Variants in STK32B observed in about 807,000 individuals in gnomAD.
The protein encoded by STK32B is serine/threonine-protein kinase 32B.
A neutral mutation model predicts 52.6 loss-of-function variants in STK32B; 43 were observed. That is an observed-to-expected ratio of 0.82 (90% confidence interval 0.64 to 1.05). The LOEUF (loss-of-function observed/expected upper bound fraction) is 1.05, where lower values mean the gene tolerates loss of function less well. STK32B is among the 50% of genes least tolerant of loss of function. STK32B has a pLI of 0.00. For synonymous variants in STK32B, 238 were observed against 204.3 expected (o/e 1.17, Z -1.41); for missense variants, 621 against 534.6 (o/e 1.16, Z -1.59).
At chr4:5,282,912 T>C (rs1456725303) in intron 3 of STK32B, among the ~76,000 whole-genome samples, 1 of 152,130 alleles carries the variant, frequency 6.6e-6, no homozygotes, top group Non-Finnish European at 1.5e-5. Flanking sequence ...CAGTTGACCG[T>C]GGGTAACTGA....
At chr4:5,124,513 C>T (rs936428632) in intron 1 of STK32B, among the ~76,000 whole-genome samples, 1 of 152,056 alleles carries the variant, frequency 6.6e-6, no homozygotes, top group Non-Finnish European at 1.5e-5. Context: ...TGGCTCAGGG[C>T]CTGGAATAGA....
intron 1 of STK32B, among the ~76,000 whole-genome samples, chr4:5,130,891 C>T (rs897121363): frequency 1.2e-4 from 19 of 152,208 alleles, no homozygotes; most frequent in African/African-American, 4.1e-4. Flanking sequence ...TTCTTCTTCT[C>T]ATCCCCTGGG....
At position 5,453,157 on chromosome 4, in the gene STK32B, T is replaced by G. The variant is rs1043074361; in HGVS notation, c.667-3650T>G. Among the ~76,000 whole-genome samples, 1 of 152,096 alleles carries G rather than the reference T, an allele frequency of 6.6e-6. No individual in the cohort carries two copies. Among genetic ancestry groups the G allele is most frequent in the African/African-American group, 2.4e-5 (1 of 41,410 alleles). ...TGGCTTCCTAGTGCATTGGAGTTAT[T>G]ATTATCATCATTGTTTTTGTAATTG... On this transcript the variant is annotated intron_variant, in intron 7 of 11. Transcript: ENST00000282908. This position sits in a 1 kb window ranked among gnomAD's most constrained non-coding sequence, Gnocchi z 4.0.
upstream of STK32B, among the ~76,000 whole-genome samples, chr4:5,047,141 C>T (rs893514637): frequency 7.2e-5 from 11 of 152,262 alleles, no homozygotes; most frequent in East Asian, 3.9e-4. Flanking sequence ...ATATACACCA[C>T]GGAATGCTAT....
At chr4:5,110,601 AG>A (rs1160316430) in intron 1 of STK32B, among the ~76,000 whole-genome samples, 3 of 152,312 alleles carry the variant, frequency 2.0e-5, no homozygotes, top group African/African-American at 7.2e-5. Context: ...CATATACAAA[AG>A]TTAACTCAAC....
At chr4:5,052,738 A>G (rs889007025) in intron 1 of STK32B, among the ~76,000 whole-genome samples, 2 of 152,164 alleles carry the variant, frequency 1.3e-5, no homozygotes, top group African/African-American at 4.8e-5. Context: ...TATAAATGCA[A>G]GCAGTACCGA....
At chr4:5,423,686 C>T (rs1422977932) in intron 6 of STK32B, among the ~76,000 whole-genome samples, 1 of 152,098 alleles carries the variant, frequency 6.6e-6, no homozygotes, top group Non-Finnish European at 1.5e-5. Flanking sequence ...CTGGGTTGGC[C>T]AGGGGATGGT....
intron 1 of STK32B, among the ~76,000 whole-genome samples, chr4:5,053,980 A>AAAATAAAT (rs558541378): frequency 2.0e-5 from 3 of 147,334 alleles, no homozygotes; most frequent in Non-Finnish European, 3.0e-5. Context: ...GCTCCATCTC[A>AAAATAAAT]AAATAAATAA....
chr4:5,082,718 A>G (rs1256621653), intron 1 of STK32B, among the ~76,000 whole-genome samples: 3 of 144,626 alleles, frequency 2.1e-5, no homozygotes, highest in Admixed American at 7.0e-5. Flanking sequence ...TGAAAGTAGT[A>G]CATGTTCGTA....
At chr4:5,432,486 G>A (rs564591815) in intron 6 of STK32B, 34 of 152,290 alleles carry the variant, frequency 2.2e-4, no homozygotes, top group African/African-American at 7.7e-4. Context: ...TGGGAAACAG[G>A]AATAGCAAGG....
intron 11 of STK32B, among the ~76,000 whole-genome samples, chr4:5,493,995 CCAAGTATGTGGT>C (rs1237557461): frequency 6.6e-6 from 1 of 152,210 alleles, no homozygotes; most frequent in African/African-American, 2.4e-5. Flanking sequence ...AGCTTTACTT[CCAAGTATGTGGT>C]CAATTTTGGA....
chr4:5,387,328 A>G (rs951414618), intron 4 of STK32B, among the ~76,000 whole-genome samples: 1 of 152,174 alleles, frequency 6.6e-6, no homozygotes, highest in Non-Finnish European at 1.5e-5. Flanking sequence ...AAATCTAGGA[A>G]TGGGCCCTGA....
intron 1 of STK32B, among the ~76,000 whole-genome samples, chr4:5,132,471 C>T (rs959519079): frequency 3.3e-5 from 5 of 151,974 alleles, no homozygotes; most frequent in South Asian, 2.1e-4. Flanking sequence ...AACTTGCACC[C>T]GGAACCTAAA....
chr4:5,245,900 C>T (rs569385321), intron 3 of STK32B, among the ~76,000 whole-genome samples: 1 of 152,108 alleles, frequency 6.6e-6, no homozygotes, highest in African/African-American at 2.4e-5. Context: ...GAATATTGGC[C>T]CCCACTCTCT....
At chr4:5,365,533 A>G (rs544283987) in intron 4 of STK32B, among the ~76,000 whole-genome samples, 2 of 152,348 alleles carry the variant, frequency 1.3e-5, no homozygotes, top group South Asian at 2.1e-4. Context: ...GTTCACCTGC[A>G]TTCTTAAAAA....
chr4:5,484,297 G>A (rs1198403879), intron 11 of STK32B, among the ~76,000 whole-genome samples: 3 of 152,144 alleles, frequency 2.0e-5, no homozygotes, highest in Non-Finnish European at 4.4e-5. Context: ...ATATATTTAG[G>A]ATAGTTAGCT....
At chr4:5,477,322 TATG>T (rs1003366331) in intron 11 of STK32B, among the ~76,000 whole-genome samples, 13 of 152,138 alleles carry the variant, frequency 8.5e-5, no homozygotes, top group Non-Finnish European at 5.9e-5. Flanking sequence ...CCTGGCTTCT[TATG>T]AAAAAGCCTT....
rs545661128 is a variant in STK32B at position 5,162,355 on chromosome 4, T to C, written c.109-5944T>C. Among the ~76,000 whole-genome samples, 23 of 152,268 alleles carry C rather than the reference T, an allele frequency of 1.5e-4. No homozygotes were observed. In the South Asian group the frequency reaches 4.6e-3, roughly 30 times the overall value. ...AAAAATACAAAATCCCAGGGCCTCC[T>C]AGAGCTTTGGGTGTGCTGCAGAATC... On this transcript the variant is annotated intron_variant, in intron 2 of 11. Transcript: ENST00000282908.
chr4:5,432,275 A>C (rs912055518), intron 6 of STK32B: 1 of 152,192 alleles, frequency 6.6e-6, no homozygotes, highest in Admixed American at 6.5e-5. Context: ...TTAAGCATCT[A>C]CTTCTAGATC....
Sources: allele counts gnomAD v4.1 joint callset (sites outside exome capture counted in the v4.1 genomes callset), GRCh38; gene constraint gnomAD v4.1.1; non-coding constraint Gnocchi (gnomAD v3.1); transcripts MANE v1.5; gene names NCBI Gene and HGNC (gene_info 2026-07-23, HGNC 2026-07-21).